Variants in B3GAT1 observed in about 807,000 individuals in gnomAD.
B3GAT1 encodes galactosylgalactosylxylosylprotein 3-beta-glucuronosyltransferase 1.
A neutral mutation model predicts 28.4 loss-of-function variants in B3GAT1; 11 were observed. The ratio of observed to expected loss-of-function variants is 0.39; its 90% CI spans 0.24 to 0.64. B3GAT1 has a LOEUF of 0.64. Ranked by LOEUF, B3GAT1 falls within the 30% of genes least tolerant of loss-of-function variation. The pLI is 0.50. For missense variants in B3GAT1, 375 were observed against 491.0 expected, an observed-to-expected ratio of 0.76 and a Z score of 2.23; for synonymous variants, 255 against 223.1, an observed-to-expected ratio of 1.14 and a Z score of -1.27.
At chr11:134,398,815 G>T (rs753431667) in intron 1 of B3GAT1, among the ~76,000 whole-genome samples, 12 of 152,326 alleles carry the variant, frequency 7.9e-5, no homozygotes, top group Non-Finnish European at 1.5e-4. Context: ...CTCCGGGCAG[G>T]CCTCTGTGCT....
At chr11:134,401,342 G>A (rs142515971) in intron 1 of B3GAT1, among the ~76,000 whole-genome samples, 1 of 152,354 alleles carries the variant, frequency 6.6e-6, no homozygotes, top group African/African-American at 2.4e-5. Context: ...GTGCCCATCA[G>A]CAGTAGACTG....
chr11:134,387,326 T>A (rs1298680195), intron 2 of B3GAT1: 2 of 591,782 alleles, frequency 3.4e-6, no homozygotes, highest in African/African-American at 3.7e-5. Context: ...GGCAACTGTC[T>A]TGGTGTCTGC....
rs924159661 is a variant in B3GAT1 at position 134,393,747 on chromosome 11, C to T, written c.-281-5807G>A. 5.9e-5 allele frequency among the ~76,000 whole-genome samples: 9 copies of T among 152,200 alleles called. No homozygotes were observed. The highest frequency in any genetic ancestry group is 1.9e-4 in the African/African-American group (8 of 41,456). ...GAGGGCGTGGGCTCAGTGGTGACAG[C>T]AGAGGGAGCCCCAGGCATCACACGG... On this transcript the variant is annotated intron_variant, in intron 1 of 5. Transcript: ENST00000312527. This position sits in a 1 kb window ranked among gnomAD's most constrained non-coding sequence, Gnocchi z 4.0.
chr11:134,396,646 C>A (rs571687855), intron 1 of B3GAT1, among the ~76,000 whole-genome samples: 4 of 152,260 alleles, frequency 2.6e-5, no homozygotes, highest in African/African-American at 7.2e-5. Context: ...TCAGGCAAAC[C>A]GTCTGCCACA....
At position 134,382,698 on chromosome 11, in the gene B3GAT1, G is replaced by A. The variant is rs376439912; in HGVS notation, c.918+12C>T. ...ATTGCATCACAGCTGTCAGTTCTGC[G>A]GAGGGTCTCACCTTGGTGCAGTTGG... On this transcript the variant is annotated intron_variant, in intron 4 of 5. Coordinates refer to ENST00000312527, the MANE Select transcript of B3GAT1 (RefSeq NM_054025.3). 69 of 1,607,498 alleles carry A rather than the reference G, an allele frequency of 4.3e-5. No homozygotes were observed. The highest frequency in any genetic ancestry group is 8.0e-5 in the African/African-American group (6 of 74,850).
Position 134,384,250 on chromosome 11 carries a change from G to A in B3GAT1, c.113-62C>T, listed in dbSNP as rs901303092. The stretch of plus-strand genomic sequence containing the variant: ...CGCCGGCTACGGCCCTGGATTCAGA[G>A]CGGGACGCCACCCACCCTGCCAGGG... On this transcript the variant is annotated intron_variant, in intron 2 of 5. Transcript: ENST00000312527. 3.2e-5 allele frequency: 47 copies of A among 1,484,832 alleles called. No individual in the cohort carries two copies. The African/African-American group carries it at 4.9e-4, about 15-fold the overall frequency. The allele number at this position is 1,484,832 out of a possible 1,614,324, so 92.0% of individuals were successfully genotyped here.
chr11:134,393,170 G>A lies in B3GAT1; in HGVS notation c.-281-5230C>T, dbSNP rs530786017. 1.2e-4 allele frequency among the ~76,000 whole-genome samples: 19 copies of A among 152,308 alleles called. No individual in the cohort carries two copies. Among genetic ancestry groups the A allele is most frequent in the Non-Finnish European group, 2.4e-4 (16 of 68,022 alleles). On this transcript the variant is annotated intron_variant, in intron 1 of 5. Coordinates refer to ENST00000312527, the MANE Select transcript of B3GAT1 (RefSeq NM_054025.3). This position sits in a 1 kb window ranked among gnomAD's most constrained non-coding sequence, Gnocchi z 4.0. ...AGGACGAGAAAGGCCTTTTTACCCAGTAAGATGGGAACAGTAGTTAAGTGG... is the reference window on the plus strand; with the variant it reads ...AGGACGAGAAAGGCCTTTTTACCCAATAAGATGGGAACAGTAGTTAAGTGG...
At position 134,404,885 on chromosome 11, in the gene B3GAT1, C is replaced by G. The variant is rs540001713; in HGVS notation, c.-282+6922G>C. On this transcript the variant is annotated intron_variant, in intron 1 of 5. Transcript: ENST00000312527. ...CTCTCTGACCGTGAGGAAAGCAGCT[C>G]GCCCGGAGGCTGTACTTCAGCCCAG... is the stretch of plus-strand genomic sequence containing the variant. 2.0e-3 allele frequency among the ~76,000 whole-genome samples: 300 copies of G among 152,342 alleles called. 2 individuals are homozygous for G. The highest frequency in any genetic ancestry group is 6.9e-3 in the African/African-American group (286 of 41,578).
rs1469445995 is a variant in B3GAT1, at chr11:134,412,119, G to GGGGGAGC, written c.-601_-595dup. ...GGGGGGCGGGGAGGGGGAGCGGGGA[G>GGGGGAGC]GGGGAGCGGGGAGCGGGCGCGGGGG... On this transcript the variant is annotated 5_prime_UTR_variant, in exon 1 of 6. Transcript: ENST00000312527. Among the ~76,000 whole-genome samples, 1 of 140,798 alleles carries GGGGGAGC rather than the reference G, an allele frequency of 7.1e-6. No homozygotes were observed. The allele number at this position is 140,798 out of a possible 152,430, so 92.4% of individuals were successfully genotyped here.
At position 134,380,494 on chromosome 11, in the gene B3GAT1, T is replaced by C. The variant is rs974951499; in HGVS notation, c.*268A>G. 1 of 152,602 alleles carries C rather than the reference T, an allele frequency of 6.6e-6. No homozygotes were observed. The highest frequency in any genetic ancestry group is 6.5e-5 in the Admixed American group (1 of 15,278). The allele number at this position is 152,602 out of a possible 1,614,324, so 9.5% of individuals were successfully genotyped here. A position where few individuals can be genotyped will look rare whatever the true frequency, so the allele number is the denominator to read the frequency against. ...TGGGGAGGTGCGCTGGAGCACCAGC[T>C]TGGCTGGTGCTGGACACCCCACCCT... On this transcript the variant is annotated 3_prime_UTR_variant, in exon 6 of 6. Transcript: ENST00000312527.
chr11:134,410,533 A>C (rs1944832867), intron 1 of B3GAT1, among the ~76,000 whole-genome samples: 1 of 152,184 alleles, frequency 6.6e-6, no homozygotes, highest in East Asian at 1.9e-4. Flanking sequence ...GACCCTGGGA[A>C]AGGGTCTTCA....
chr11:134,401,970 C>T lies in B3GAT1; in HGVS notation c.-282+9837G>A, dbSNP rs867102543. The stretch of plus-strand genomic sequence containing the variant: ...TGTGACAAAAGGGTGTGGCCTGGGG[C>T]GGGGGGGGGCGGGCAGCCTGACCAC... On this transcript the variant is annotated intron_variant, in intron 1 of 5. Transcript: ENST00000312527. Among the ~76,000 whole-genome samples the T allele has an allele frequency of 7.6e-3, 88 of 11,524 alleles. 3 individuals are homozygous for T. The highest frequency in any genetic ancestry group is 0.029 in the African/African-American group (84 of 2,944). 7.6% of individuals were successfully genotyped at this position (11,524 alleles called of 152,430 possible).
intron 1 of B3GAT1, among the ~76,000 whole-genome samples, chr11:134,400,600 G>A (rs1231566963): frequency 6.6e-6 from 1 of 152,194 alleles, no homozygotes; most frequent in Non-Finnish European, 1.5e-5. Context: ...CACCATATGT[G>A]AAAATGAACT....
At chr11:134,381,720 C>T in intron 5 of B3GAT1, 1 of 567,068 alleles carries the variant, frequency 1.8e-6, no homozygotes, top group South Asian at 2.2e-5. Flanking sequence ...CAGAAGGACC[C>T]AGCTGCGTGG....
rs1382305760 is a variant in B3GAT1, at chr11:134,411,856, G to T, written c.-331C>A. On this transcript the variant is annotated 5_prime_UTR_variant, in exon 1 of 6. Transcript: ENST00000312527. This position sits in a 1 kb window ranked among gnomAD's most constrained non-coding sequence, Gnocchi z 6.0. ...TCCGGTGCGGTCCATCGCGGGCAAC[G>T]GCCCCTACGCCCCGGCCCCGGCGCC... 1 of 151,456 alleles carries T rather than the reference G, an allele frequency of 6.6e-6. No individual in the cohort carries two copies. Among genetic ancestry groups the T allele is most frequent in the African/African-American group, 2.4e-5 (1 of 41,258 alleles). The allele number at this position is 151,456 out of a possible 1,614,324, so 9.4% of individuals were successfully genotyped here.
At chr11:134,381,609 C>T (rs975289289) in intron 5 of B3GAT1, 4 of 293,708 alleles carry the variant, frequency 1.4e-5, no homozygotes, top group East Asian at 7.0e-5. Context: ...CGCTGGCCAG[C>T]GAGAGTCTGA....
chr11:134,384,370 T>C, intron 2 of B3GAT1, 182 bp from the exon 3 acceptor site: 1 of 748,364 alleles, frequency 1.3e-6, no homozygotes, highest in Non-Finnish European at 2.1e-6. Flanking sequence ...TGGAATCCTC[T>C]CTGGGAGGGT....
At chr11:134,383,612 C>G (rs1944190053) in intron 3 of B3GAT1, 68 bp downstream of exon 3, 1 of 1,447,568 alleles carries the variant, frequency 6.9e-7, no homozygotes, top group African/African-American at 1.4e-5. Context: ...CCCACACCCC[C>G]TTCTCGGGAA....
chr11:134,409,694 C>T (rs1358401987), intron 1 of B3GAT1: 1 of 152,344 alleles, frequency 6.6e-6, no homozygotes, highest in East Asian at 1.9e-4. Flanking sequence ...GGCCCCCAGC[C>T]TGCCCCAACT....
Sources: gnomAD v4.1 joint callset for allele counts (sites outside exome capture counted in the v4.1 genomes callset) on GRCh38, gnomAD v4.1.1 for gene constraint, Gnocchi (gnomAD v3.1) non-coding constraint, MANE v1.5 for transcripts, NCBI Gene and HGNC (gene_info 2026-07-23, HGNC 2026-07-21) for gene names.